The following KLHL41 variants were observed in gnomAD, a reference collection of about 807,000 sequenced individuals.
KLHL41 encodes the protein kelch-like protein 41.
In KLHL41, 31 loss-of-function variants were observed where a neutral mutation model predicts 49.2. That is an observed-to-expected ratio of 0.63 (90% CI 0.47 to 0.85). KLHL41 has a LOEUF of 0.85. Among genes scored for constraint, KLHL41 ranks in the 40% least tolerant of loss-of-function variants. KLHL41 has a pLI of 0.00. For missense variants in KLHL41, 663 were observed against 726.7 expected, an observed-to-expected ratio of 0.91 and a Z score of 1.01; for synonymous variants, 218 against 258.5, an observed-to-expected ratio of 0.84 and a Z score of 1.50.
Position 169,521,004 on chromosome 2 carries a change from GGAAGTA to G in KLHL41, c.1707_1709+3del. ...GCACCCACTGAAGTCAATGACATAT[GGAAGTA>G]AGTTCTCATCACTTCAATTTTCAGA... is the stretch of plus-strand genomic sequence containing the variant. On this transcript the variant is annotated splice_donor_variant and splice_donor_region_variant and coding_sequence_variant and intron_variant, in exon 5 of 6. Transcript: ENST00000284669. LOFTEE classifies it high-confidence loss of function. 1 of 1,612,300 alleles carries G rather than the reference GGAAGTA, an allele frequency of 6.2e-7. No individual in the cohort carries two copies. The highest frequency in any genetic ancestry group is 8.5e-7 in the Non-Finnish European group (1 of 1,179,212).
At chr2:169,519,176 T>C (rs13387104) in intron 4 of KLHL41, among the ~76,000 whole-genome samples, 86,928 of 152,002 alleles carry the variant, frequency 0.57, 25,071 homozygotes, top group East Asian at 0.67. Context: ...TTTTATTGAC[T>C]TAATGTGAAA....
intron 1 of KLHL41, chr2:169,514,210 T>G: frequency 5.7e-6 from 1 of 175,002 alleles, no homozygotes. Context: ...ATGACAACCT[T>G]TCTTTCCCCA....
At chr2:169,523,169 C>T (rs1202363519) in intron 5 of KLHL41, among the ~76,000 whole-genome samples, 1 of 152,122 alleles carries the variant, frequency 6.6e-6, no homozygotes, top group African/African-American at 2.4e-5. Flanking sequence ...TTACAGGCAG[C>T]AAAAGAAAGT....
rs60635668 is a variant in KLHL41 at position 169,522,705 on chromosome 2, A to ATTTTTT, written c.1709+1725_1709+1730dup. Among the ~76,000 whole-genome samples, 443 of 50,124 alleles carry ATTTTTT rather than the reference A, an allele frequency of 8.8e-3. 35 individuals carry two copies. Among genetic ancestry groups the ATTTTTT allele is most frequent in the East Asian group, 0.016 (22 of 1,334 alleles). The allele number at this position is 50,124 out of a possible 152,430, so 32.9% of individuals were successfully genotyped here. On this transcript the variant is annotated intron_variant, in intron 5 of 5. Transcript: ENST00000284669. ...CCTAGTTCCTAAAACCTTCCCAGTG[A>ATTTTTT]TTTTTTTTTTTTTTTTTTTTTTTTT...
intron 1 of KLHL41, 110 bp from the exon 2 acceptor site, chr2:169,514,464 A>G (rs1417825952): frequency 1.3e-6 from 1 of 764,286 alleles, no homozygotes; most frequent in African/African-American, 1.8e-5. Context: ...CTTGTGAGAT[A>G]TTTGACTATC....
Position 169,510,365 on chromosome 2 carries a change from T to C in KLHL41, c.587T>C (p.Val196Ala). The C allele has an allele frequency of 6.2e-7, 1 of 1,614,086 alleles. No homozygotes were observed. The highest frequency in any genetic ancestry group is 8.5e-7 in the Non-Finnish European group (1 of 1,180,022). The change falls in exon 1 of 6, where the codon GTA (valine) becomes GCA (alanine). Residue 196 changes from valine to alanine, a missense_variant. By Grantham distance (64) the Val-to-Ala change is moderately conservative (BLOSUM62 0). Around this residue, in one of 3 missense-constraint regions of KLHL41, gnomAD observed 528 missense variants for 581.0 expected, o/e 0.91. Transcript: ENST00000284669. This position sits in a 1 kb window ranked among gnomAD's most constrained non-coding sequence, Gnocchi z 4.2. Reference sequence around the variant, plus strand: ...CTAAATGTAGAAAAAGAAGAAGCAGTATTTGAGGCAGTGATGAAATGGGTG... The same window carrying C: ...CTAAATGTAGAAAAAGAAGAAGCAGCATTTGAGGCAGTGATGAAATGGGTG... ...DSLNVEKEEA[V>A]FEAVMKWVRT... is the part of the protein sequence containing the mutation.
chr2:169,524,824 T>C (rs1684277394), intron 5 of KLHL41, among the ~76,000 whole-genome samples: 1 of 151,864 alleles, frequency 6.6e-6, no homozygotes, highest in African/African-American at 2.4e-5. Flanking sequence ...GGAGTGATAA[T>C]TGCTATAATA....
intron 5 of KLHL41, among the ~76,000 whole-genome samples, chr2:169,521,440 C>T (rs1221477071): frequency 6.6e-6 from 1 of 152,182 alleles, no homozygotes; most frequent in East Asian, 1.9e-4. Context: ...GTCACCCAGG[C>T]TGGAGTACAA....
rs941891134 is a variant in KLHL41, at chr2:169,520,372, T to C, written c.1563-489T>C. 1.1e-4 allele frequency among the ~76,000 whole-genome samples: 17 copies of C among 150,748 alleles called. No individual in the cohort carries two copies. In the Admixed American group the frequency reaches 1.1e-3, roughly 10 times the overall value. ...TTGCCCAGGCTGGTCGCATACTCCT[T>C]GGGCTCAAGCAATCCTCCTGCCTCA... On this transcript the variant is annotated intron_variant, in intron 4 of 5. Transcript: ENST00000284669.
At chr2:169,518,399 T>C (rs370968335) in intron 4 of KLHL41, 24 bp downstream of exon 4, 18 of 1,532,454 alleles carry the variant, frequency 1.2e-5, no homozygotes, top group Admixed American at 9.2e-5. Context: ...TCTTAGTATA[T>C]AGCATGTGAA....
intron 5 of KLHL41, among the ~76,000 whole-genome samples, chr2:169,522,704 G>GTTTTTT (rs1684220321): frequency 1.1e-5 from 1 of 87,788 alleles, no homozygotes; most frequent in Non-Finnish European, 2.2e-5. Flanking sequence ...CCTTCCCAGT[G>GTTTTTT]ATTTTTTTTT....
intron 5 of KLHL41, among the ~76,000 whole-genome samples, chr2:169,522,382 C>CA (rs1684216177): frequency 1.3e-5 from 2 of 151,912 alleles, no homozygotes; most frequent in Admixed American, 1.3e-4. Flanking sequence ...CTCCTCCCCC[C>CA]AAAAAAGAGG....
intron 5 of KLHL41, 121 bp downstream of exon 5, chr2:169,521,128 T>A: frequency 1.2e-6 from 1 of 838,994 alleles, no homozygotes; most frequent in Non-Finnish European, 1.9e-6. Context: ...GGTAGTAGAC[T>A]AAACACTTCA....
chr2:169,518,915 A>G (rs950191120), intron 4 of KLHL41, among the ~76,000 whole-genome samples: 3 of 152,022 alleles, frequency 2.0e-5, no homozygotes, highest in African/African-American at 7.3e-5. Flanking sequence ...CCTGGCCTCA[A>G]ATGATCCTCT....
intron 1 of KLHL41, among the ~76,000 whole-genome samples, chr2:169,513,960 G>A (rs770746640): frequency 6.6e-6 from 1 of 152,082 alleles, no homozygotes; most frequent in East Asian, 1.9e-4. Context: ...AAAGAGAAGA[G>A]TATTTCAAGG....
Position 169,514,861 on chromosome 2 carries a change from A to G in KLHL41, c.1276A>G (p.Lys426Glu), listed in dbSNP as rs750512280. The change falls in exon 3 of 6, where the codon AAA (lysine) becomes GAA (glutamate). Residue 426 changes from lysine to glutamate, a missense_variant. By Grantham distance (56) the Lys-to-Glu change is moderately conservative (BLOSUM62 1). Around this residue, in one of 3 missense-constraint regions of KLHL41, gnomAD observed 528 missense variants for 581.0 expected, o/e 0.91. Transcript: ENST00000284669. The stretch of plus-strand genomic sequence containing the variant: ...TGTCTCGTTTAATTTTAGGGCTGCA[A>G]AATGGAACGAAGTAAAAAAACTCCC... Reference protein sequence around the residue: ...SVLCYDPVAAKWNEVKKLPIK... With the variant: ...SVLCYDPVAAEWNEVKKLPIK... 1.2e-6 allele frequency: 2 copies of G among 1,603,862 alleles called. No individual in the cohort carries two copies. The highest frequency in any genetic ancestry group is 1.7e-6 in the Non-Finnish European group (2 of 1,177,376).
Position 169,510,519 on chromosome 2 carries a change from C to A in KLHL41, c.741C>A (p.Asp247Glu). ...EKDDIIKSNPDLQKKIKVLKD... is the reference protein window; with the variant it reads ...EKDDIIKSNPELQKKIKVLKD... The stretch of plus-strand genomic sequence containing the variant: ...ATGATATAATTAAAAGCAACCCAGA[C>A]CTCCAGAAAAAAATCAAAGTTCTAA... Residue 247 changes from aspartate to glutamate, a missense_variant, in exon 1 of 6, where the codon GAC (aspartate) becomes GAA (glutamate). Around this residue, in one of 3 missense-constraint regions of KLHL41, gnomAD observed 528 missense variants for 581.0 expected, o/e 0.91. Transcript: ENST00000284669. This position sits in a 1 kb window ranked among gnomAD's most constrained non-coding sequence, Gnocchi z 4.2. 6.2e-7 allele frequency: 1 copy of A among 1,613,488 alleles called. No homozygotes were observed. Among genetic ancestry groups the A allele is most frequent in the Middle Eastern group, 1.6e-4 (1 of 6,062 alleles).
chr2:169,518,189 G>GA lies in KLHL41; in HGVS notation c.1380dup (p.Cys461MetfsTer34). On this transcript the variant is annotated frameshift_variant and splice_region_variant. Transcript: ENST00000284669. LOFTEE classifies it high-confidence loss of function. ...AGGAACATTTGTTTTTCTGTTTACA[G>GA]AAAATGTACAAACAGGGTGTTTATC... The GA allele has an allele frequency of 6.2e-7, 1 of 1,605,760 alleles. No individual in the cohort carries two copies. The highest frequency in any genetic ancestry group is 1.1e-5 in the South Asian group (1 of 89,646).
intron 1 of KLHL41, among the ~76,000 whole-genome samples, chr2:169,511,940 T>C (rs1380800101): frequency 6.6e-6 from 1 of 152,214 alleles, no homozygotes; most frequent in African/African-American, 2.4e-5. Context: ...TTGTCTTCCA[T>C]AATGCCAATA....
Sources: gnomAD v4.1 joint callset for allele counts (sites outside exome capture counted in the v4.1 genomes callset) on GRCh38, gnomAD v4.1.1 for gene constraint, gnomAD v4.1.1 regional missense constraint, Gnocchi (gnomAD v3.1) non-coding constraint, MANE v1.5 for transcripts, NCBI Gene and HGNC (gene_info 2026-07-23, HGNC 2026-07-21) for gene names.